Variants in MBD6 observed in about 807,000 individuals in gnomAD.
The protein encoded by MBD6 is methyl-CpG-binding domain protein 6.
A neutral mutation model predicts 66.8 loss-of-function variants in MBD6; 22 were observed. That is an observed-to-expected ratio of 0.33 (90% confidence interval 0.24 to 0.47). The LOEUF (loss-of-function observed/expected upper bound fraction) is 0.47. Among genes scored for constraint, MBD6 ranks in the 20% least tolerant of loss-of-function variants. The probability of loss-of-function intolerance (pLI) is 1.00; values close to 1 mark genes in which losing one functional copy is unlikely to be tolerated. For missense variants in MBD6, 1,322 were observed against 1,286.9 expected (o/e 1.03, Z -0.42); for synonymous variants, 540 against 534.6 (o/e 1.01, Z -0.14).
Position 57,525,067 on chromosome 12 carries a change from G to A in MBD6, c.331G>A (p.Ala111Thr), listed in dbSNP as rs922991975. 1 of 1,613,024 alleles carries A rather than the reference G, an allele frequency of 6.2e-7. No individual in the cohort carries two copies. Among genetic ancestry groups the A allele is most frequent in the Non-Finnish European group, 8.5e-7 (1 of 1,179,780 alleles). Residue 111 changes from alanine (A) to threonine (T), a missense_variant, in exon 5 of 13, where the codon GCA becomes ACA. Coordinates refer to ENST00000355673, the MANE Select transcript of MBD6 (RefSeq NM_052897.4). ...CCACCGGCGGAAAGCTGTTGCTATGGCAACTCTGTACCGCAGCATGGAGAC... is the reference window on the plus strand; with the variant it reads ...CCACCGGCGGAAAGCTGTTGCTATGACAACTCTGTACCGCAGCATGGAGAC... Reference protein sequence around the residue: ...CNHRRKAVAMATLYRSMETTC... With the variant: ...CNHRRKAVAMTTLYRSMETTC...
At chr12:57,524,649 A>G (rs1332369600) in intron 3 of MBD6, 71 bp from the exon 4 acceptor site, 5 of 1,376,740 alleles carry the variant, frequency 3.6e-6, no homozygotes, top group Non-Finnish European at 5.2e-6. Context: ...TAACTTAAGC[A>G]CTGTGCTTTA....
Position 57,524,326 on chromosome 12 carries a change from G to A in MBD6, c.23G>A (p.Ser8Asn), listed in dbSNP as rs773324561. 3 of 1,576,610 alleles carry A rather than the reference G, an allele frequency of 1.9e-6. No individual in the cohort carries two copies. The highest frequency in any genetic ancestry group is 2.6e-6 in the Non-Finnish European group (3 of 1,164,442). MNGGNES[S>N]GADRAGGPVA... ...ACAATGAATGGGGGCAATGAGAGCAGTGGAGCAGACAGAGCTGGGGGCCCT... is the reference window on the plus strand; with the variant it reads ...ACAATGAATGGGGGCAATGAGAGCAATGGAGCAGACAGAGCTGGGGGCCCT... The change falls in exon 3 of 13, where the codon AGT becomes AAT. Residue 8 changes from serine to asparagine, a missense_variant. Transcript: ENST00000355673.
chr12:57,530,717 T>C, downstream of MBD6: 5 of 1,613,932 alleles, frequency 3.1e-6, no homozygotes, highest in Non-Finnish European at 4.2e-6. Context: ...CATCCGTTCA[T>C]CAATGCTGGC....
At position 57,527,573 on chromosome 12, in the gene MBD6, C is replaced by A. The variant is rs750846569; in HGVS notation, c.2149C>A (p.Pro717Thr). ...CAGTGTCACCACGGCAACTACTGAC[C>A]CGGGGGCCTCCTCTCTGGGCAAGGC... The part of the protein sequence containing the change: ...TSSVTTATTD[P>T]GASSLGKAPS... The change falls in exon 8 of 13, where the codon CCG (proline) becomes ACG (threonine). Residue 717 changes from proline to threonine, a missense_variant. Transcript: ENST00000355673. 1.9e-6 allele frequency: 3 copies of A among 1,614,058 alleles called. No homozygotes were observed. Among genetic ancestry groups the A allele is most frequent in the Non-Finnish European group, 2.5e-6 (3 of 1,180,002 alleles).
Position 57,525,773 on chromosome 12 carries a change from C to A in MBD6, c.805C>A (p.Pro269Thr). Residue 269 changes from proline (P) to threonine (T), a missense_variant, in exon 6 of 13, where the codon CCC (proline) becomes ACC (threonine). Coordinates refer to ENST00000355673, the MANE Select transcript of MBD6 (RefSeq NM_052897.4). ...CTTCCACTGTAGTGATGCCTTAACA[C>A]CCCCTCCCCTGCCCCCGAGCAATAA... is the stretch of plus-strand genomic sequence containing the variant. ...PLFHCSDALT[P>T]PPLPPSNNLP... 1.9e-6 allele frequency: 3 copies of A among 1,613,374 alleles called. No individual in the cohort carries two copies. The highest frequency in any genetic ancestry group is 2.5e-6 in the Non-Finnish European group (3 of 1,179,666).
chr12:57,524,214 G>A (rs1396967328), intron 2 of MBD6, 66 bp from the exon 3 acceptor site: 1 of 1,005,758 alleles, frequency 9.9e-7, no homozygotes, highest in Non-Finnish European at 1.4e-6. Context: ...CCTTCCTGGA[G>A]TCCTCTCTCA....
chr12:57,529,305 A>T lies in MBD6; in HGVS notation c.*71A>T, dbSNP rs1316446406. On this transcript the variant is annotated 3_prime_UTR_variant, in exon 13 of 13. Coordinates refer to ENST00000355673, the MANE Select transcript of MBD6 (RefSeq NM_052897.4). ...GTGCTGAGCCTTGGGAGCCCCTGCCAGCCACCTGCACCTGTGGACAGTGGG... is the reference window on the plus strand; with the variant it reads ...GTGCTGAGCCTTGGGAGCCCCTGCCTGCCACCTGCACCTGTGGACAGTGGG... The T allele has an allele frequency of 5.3e-6, 8 of 1,517,530 alleles. No individual in the cohort carries two copies. The African/African-American group carries it at 8.2e-5, about 16-fold the overall frequency. The allele number at this position is 1,517,530 out of a possible 1,614,324, so 94.0% of individuals were successfully genotyped here. A position where few individuals can be genotyped will look rare whatever the true frequency, so the allele number is the denominator to read the frequency against.
downstream of MBD6, among the ~76,000 whole-genome samples, chr12:57,531,148 A>G (rs1256865624): frequency 6.6e-6 from 1 of 152,148 alleles, no homozygotes; most frequent in Admixed American, 6.5e-5. Context: ...TTTTTCATTT[A>G]TCTCAGTGAT....
intron 12 of MBD6, 63 bp from the exon 13 acceptor site, chr12:57,529,097 G>GA (rs1465492770): frequency 6.2e-6 from 10 of 1,612,878 alleles, no homozygotes; most frequent in Non-Finnish European, 7.6e-6. Flanking sequence ...GGAGTGGGGA[G>GA]AAAAGAAGAC....
intron 3 of MBD6, 27 bp from the exon 4 acceptor site, chr12:57,524,693 A>T: frequency 6.2e-7 from 1 of 1,608,028 alleles, no homozygotes; most frequent in South Asian, 1.1e-5. Flanking sequence ...AGCTAACCCC[A>T]TGTCCTCTGA....
Position 57,529,307 on chromosome 12 carries a change from C to T in MBD6, c.*73C>T. The T allele has an allele frequency of 6.7e-7, 1 of 1,494,860 alleles. No homozygotes were observed. The highest frequency in any genetic ancestry group is 9.3e-7 in the Non-Finnish European group (1 of 1,077,400). 92.6% of individuals were successfully genotyped at this position (1,494,860 alleles called of 1,614,324 possible). A position where few individuals can be genotyped will look rare whatever the true frequency, so the allele number is the denominator to read the frequency against. Reference sequence around the variant, plus strand: ...GCTGAGCCTTGGGAGCCCCTGCCAGCCACCTGCACCTGTGGACAGTGGGTG... The same window carrying T: ...GCTGAGCCTTGGGAGCCCCTGCCAGTCACCTGCACCTGTGGACAGTGGGTG... On this transcript the variant is annotated 3_prime_UTR_variant, in exon 13 of 13. Transcript: ENST00000355673.
In MBD6 at chr12:57,526,842, G is replaced by A; in HGVS notation, c.1697G>A (p.Gly566Glu). ...CACAGTTTATTTGGTGTGCTGACTG[G>A]GGGAGGAGGACAACCTCCCCCTGAG... The part of the protein sequence containing the change: ...LNHSLFGVLT[G>E]GGGQPPPEPL... Residue 566 changes from glycine (G) to glutamate (E), a missense_variant, in exon 7 of 13, where the codon GGG becomes GAG. By Grantham distance (98) the Gly-to-Glu change is moderately conservative. Transcript: ENST00000355673. 6.2e-7 allele frequency: 1 copy of A among 1,613,482 alleles called. No homozygotes were observed. Among genetic ancestry groups the A allele is most frequent in the Admixed American group, 1.7e-5 (1 of 59,972 alleles).
Position 57,529,593 on chromosome 12 carries a change from T to A in MBD6, c.*359T>A. The A allele has an allele frequency of 5.1e-6, 1 of 197,636 alleles. No homozygotes were observed. The highest frequency in any genetic ancestry group is 1.2e-4 in the East Asian group (1 of 8,502). 12.2% of individuals were successfully genotyped at this position (197,636 alleles called of 1,614,324 possible). A position where few individuals can be genotyped will look rare whatever the true frequency, so the allele number is the denominator to read the frequency against. On this transcript the variant is annotated 3_prime_UTR_variant, in exon 13 of 13. Transcript: ENST00000355673. ...CTCTTTTATATTTAATTCGATTTCA[T>A]TGCCTCCCTTCTTAAAGCCAACAGG...
chr12:57,527,179 T>G lies in MBD6; in HGVS notation c.2034T>G (p.Ser678=). The change falls in exon 7 of 13, where the codon TCT becomes TCG. Residue 678 remains serine, a synonymous_variant. Coordinates refer to ENST00000355673, the MANE Select transcript of MBD6 (RefSeq NM_052897.4). Reference sequence around the variant, plus strand: ...CCCCTACCCTCATAGCTTTAAATTCTGCGCTGCTGGCTGCCACCCTGGATC... The same window carrying G: ...CCCCTACCCTCATAGCTTTAAATTCGGCGCTGCTGGCTGCCACCCTGGATC... ...SAPPTLIALN[S]ALLAATLDPP... is the part of the protein sequence containing the mutation. 6.6e-7 allele frequency: 1 copy of G among 1,508,302 alleles called. No homozygotes were observed. The highest frequency in any genetic ancestry group is 8.9e-7 in the Non-Finnish European group (1 of 1,127,620). 93.4% of individuals were successfully genotyped at this position (1,508,302 alleles called of 1,614,324 possible).
At chr12:57,524,685 C>G (rs1878724710) in intron 3 of MBD6, 35 bp from the exon 4 acceptor site, 1 of 1,596,238 alleles carries the variant, frequency 6.3e-7, no homozygotes, top group Non-Finnish European at 8.6e-7. Flanking sequence ...TCGCTGCCAG[C>G]TAACCCCATG....
At position 57,526,137 on chromosome 12, in the gene MBD6, G is replaced by T; in HGVS notation, c.1169G>T (p.Arg390Leu). Reference protein sequence around the residue: ...GPQTPRRSRPRAPAPVPQPFS... With the variant: ...GPQTPRRSRPLAPAPVPQPFS... ...CAAACCCCTAGACGGAGCCGTCCTC[G>T]GGCCCCTGCTCCTGTCCCCCAACCC... The change falls in exon 6 of 13, where the codon CGG becomes CTG. Residue 390 changes from arginine to leucine, a missense_variant. By Grantham distance (102) the Arg-to-Leu change is moderately radical (BLOSUM62 -2). Transcript: ENST00000355673. 2 of 1,614,032 alleles carry T rather than the reference G, an allele frequency of 1.2e-6. No homozygotes were observed. Among genetic ancestry groups the T allele is most frequent in the Non-Finnish European group, 1.7e-6 (2 of 1,180,000 alleles).
At position 57,527,852 on chromosome 12, in the gene MBD6, C is replaced by G. The variant is rs748245417; in HGVS notation, c.2241C>G (p.Asp747Glu). 6.2e-7 allele frequency: 1 copy of G among 1,613,300 alleles called. No homozygotes were observed. Among genetic ancestry groups the G allele is most frequent in the South Asian group, 1.1e-5 (1 of 91,058 alleles). ...SPLLGASLLGDLSSLTSSPGA... is the reference protein window; with the variant it reads ...SPLLGASLLGELSSLTSSPGA... ...CTGACTATAATTTCTCAACAGGTGA[C>G]CTGTCTTCACTGACCAGCAGCCCTG... is the stretch of plus-strand genomic sequence containing the variant. The change falls in exon 9 of 13, where the codon GAC becomes GAG. Residue 747 changes from aspartate to glutamate, a missense_variant. Asp to Glu is a conservative substitution (Grantham distance 45, BLOSUM62 2). Coordinates refer to ENST00000355673, the MANE Select transcript of MBD6 (RefSeq NM_052897.4).
At chr12:57,524,440 A>G (rs368226270) in intron 3 of MBD6, 24 bp downstream of exon 3, 187 of 1,544,848 alleles carry the variant, frequency 1.2e-4, no homozygotes, top group Non-Finnish European at 1.6e-4. Context: ...CAGGTCCCCA[A>G]GCTCTGCCAC....
rs563684455 is a variant in MBD6, at chr12:57,525,278, G to A, written c.380-70G>A. The A allele has an allele frequency of 1.3e-4, 196 of 1,501,402 alleles. 1 individual carries two copies. Among genetic ancestry groups the A allele is most frequent in the Middle Eastern group, 1.9e-4 (1 of 5,212 alleles). The allele number at this position is 1,501,402 out of a possible 1,614,324, so 93.0% of individuals were successfully genotyped here. A position where few individuals can be genotyped will look rare whatever the true frequency, so the allele number is the denominator to read the frequency against. Reference sequence around the variant, plus strand: ...GAGGTTGGGAACTTGTGGGAGATGGGACTAGAGAAGACAAAAGAGTTTTTG... The same window carrying A: ...GAGGTTGGGAACTTGTGGGAGATGGAACTAGAGAAGACAAAAGAGTTTTTG... On this transcript the variant is annotated intron_variant, in intron 5 of 12. Transcript: ENST00000355673.
Sources: gnomAD v4.1 joint callset for allele counts (sites outside exome capture counted in the v4.1 genomes callset) on GRCh38, gnomAD v4.1.1 for gene constraint, MANE v1.5 for transcripts, NCBI Gene and HGNC (gene_info 2026-07-23, HGNC 2026-07-21) for gene names.